The following SNX29 variants were observed in gnomAD, a reference collection of about 807,000 sequenced individuals.
The protein encoded by SNX29 is sorting nexin 29.
Under a neutral mutation model 102.1 loss-of-function variants are expected in SNX29, and 78 were observed. The ratio of observed to expected loss-of-function variants is 0.76; its 90% CI spans 0.64 to 0.92. SNX29 has a LOEUF of 0.92. SNX29 is among the 40% of genes least tolerant of loss of function. SNX29 has a pLI of 0.00. For missense variants in SNX29, 1,280 were observed against 1,061.7 expected, an observed-to-expected ratio of 1.21 and a Z score of -2.86; for synonymous variants, 580 against 414.5, an observed-to-expected ratio of 1.40 and a Z score of -4.85.
At chr16:12,567,277 C>G (rs2079051102) in intron 20 of SNX29, among the ~76,000 whole-genome samples, 1 of 150,768 alleles carries the variant, frequency 6.6e-6, no homozygotes, top group Non-Finnish European at 1.5e-5. Context: ...TCCAGTGGAT[C>G]CAGGACTTAC....
intron 15 of SNX29, among the ~76,000 whole-genome samples, chr16:12,289,217 A>G (rs2151055154): frequency 6.6e-6 from 1 of 152,248 alleles, no homozygotes; most frequent in East Asian, 1.9e-4. Context: ...GGATGTTCCC[A>G]TCTGTTCCTG....
chr16:12,314,706 A>G lies in SNX29; in HGVS notation c.1782+36670A>G, dbSNP rs537615400. Among the ~76,000 whole-genome samples, 17 of 152,354 alleles carry G rather than the reference A, an allele frequency of 1.1e-4. 1 individual carries two copies. The South Asian group carries it at 3.3e-3, about 30-fold the overall frequency. On this transcript the variant is annotated intron_variant, in intron 15 of 20. Coordinates refer to ENST00000566228, the MANE Select transcript of SNX29 (RefSeq NM_032167.5). ...TTGATTCTACAGCTTGGTGGATTTT[A>G]TAACACTAAATCAAAAAGAATGTTG...
Position 12,573,378 on chromosome 16 carries a change from T to C in SNX29, c.*4749T>C. ...TAAATCCCAGCAACCAAGTTGCGTA[T>C]CCTTCCTTATAGCTAGTTTCTATAG... On this transcript the variant is annotated 3_prime_UTR_variant, in exon 21 of 21. Transcript: ENST00000566228. 1 of 224,618 alleles carries C rather than the reference T, an allele frequency of 4.5e-6. No individual in the cohort carries two copies. The highest frequency in any genetic ancestry group is 6.5e-5 in the East Asian group (1 of 15,464). The allele number at this position is 224,618 out of a possible 1,614,324, so 13.9% of individuals were successfully genotyped here. A position where few individuals can be genotyped will look rare whatever the true frequency, so the allele number is the denominator to read the frequency against.
At chr16:12,283,839 C>T (rs760645997) in intron 15 of SNX29, among the ~76,000 whole-genome samples, 16 of 152,198 alleles carry the variant, frequency 1.1e-4, no homozygotes, top group South Asian at 4.1e-4. Context: ...GTGTCTTTGA[C>T]GGCAGTTCTG....
chr16:12,410,938 C>T (rs2084373182), intron 18 of SNX29, among the ~76,000 whole-genome samples: 1 of 152,178 alleles, frequency 6.6e-6, no homozygotes, highest in South Asian at 2.1e-4. Flanking sequence ...AGATAGCTTA[C>T]CCCTTGGGCC....
In SNX29 at chr16:12,547,886, T is replaced by C. The variant is rs941610947; in HGVS notation, c.2319-20620T>C. 2.0e-5 allele frequency among the ~76,000 whole-genome samples: 3 copies of C among 152,126 alleles called. No individual in the cohort carries two copies. In the East Asian group the frequency reaches 5.8e-4, roughly 29 times the overall value. On this transcript the variant is annotated intron_variant, in intron 20 of 20. Transcript: ENST00000566228. ...ATGAGCCACTTCCTTCAGCAGCAGT[T>C]CTAGGGCTGTATAGGAGCTGCTCTT...
chr16:12,552,357 C>T (rs1310060087), intron 20 of SNX29, among the ~76,000 whole-genome samples: 1 of 152,104 alleles, frequency 6.6e-6, no homozygotes, highest in African/African-American at 2.4e-5. Flanking sequence ...GTTTAATAAG[C>T]CAATACACGT....
chr16:12,323,466 C>G (rs147110645), intron 15 of SNX29, among the ~76,000 whole-genome samples: 2 of 149,562 alleles, frequency 1.3e-5, no homozygotes, highest in African/African-American at 2.5e-5. Flanking sequence ...ATGATGAATA[C>G]AAAACAGTAG....
intron 15 of SNX29, among the ~76,000 whole-genome samples, chr16:12,324,094 G>A (rs1460226544): frequency 6.6e-6 from 1 of 152,038 alleles, no homozygotes; most frequent in East Asian, 1.9e-4. Context: ...GTGTGCTGGG[G>A]TTTGTTTCCT....
chr16:12,030,863 A>G (rs1184095228), intron 4 of SNX29, among the ~76,000 whole-genome samples: 3 of 152,198 alleles, frequency 2.0e-5, no homozygotes, highest in East Asian at 3.9e-4. Flanking sequence ...GGCAGGTCTG[A>G]CATCACAACT....
At chr16:12,278,831 G>A (rs1251739388) in intron 15 of SNX29, among the ~76,000 whole-genome samples, 1 of 152,196 alleles carries the variant, frequency 6.6e-6, no homozygotes, top group Non-Finnish European at 1.5e-5. Flanking sequence ...ATTTAGGATT[G>A]CAAGGATGGC....
At chr16:12,381,900 C>T (rs749048535) in intron 16 of SNX29, among the ~76,000 whole-genome samples, 10 of 149,816 alleles carry the variant, frequency 6.7e-5, no homozygotes, top group Non-Finnish European at 1.2e-4. Context: ...CCCCCACTCC[C>T]GTCATCCATC....
intron 20 of SNX29, among the ~76,000 whole-genome samples, chr16:12,556,014 A>C (rs988739192): frequency 6.6e-6 from 1 of 151,870 alleles, no homozygotes; most frequent in Non-Finnish European, 1.5e-5. Flanking sequence ...TGTCCTGTGG[A>C]CTCATGCCAT....
intron 16 of SNX29, 148 bp from the exon 17 acceptor site, chr16:12,398,298 C>T: frequency 3.7e-6 from 3 of 817,380 alleles, no homozygotes; most frequent in Non-Finnish European, 6.1e-6. Context: ...CACACAATCT[C>T]TTACCGTTTT....
At chr16:12,150,420 T>C (rs1035393816) in intron 13 of SNX29, among the ~76,000 whole-genome samples, 1 of 152,222 alleles carries the variant, frequency 6.6e-6, no homozygotes, top group Non-Finnish European at 1.5e-5. Context: ...AAACAAGATG[T>C]GAATGAATTA....
At position 12,574,133 on chromosome 16, in the gene SNX29, T is replaced by A. The variant is rs1412868476; in HGVS notation, c.*5504T>A. 2 of 183,408 alleles carry A rather than the reference T, an allele frequency of 1.1e-5. No homozygotes were observed. The highest frequency in any genetic ancestry group is 6.2e-5 in the Admixed American group (1 of 16,006). The allele number at this position is 183,408 out of a possible 1,614,324, so 11.4% of individuals were successfully genotyped here. A position where few individuals can be genotyped will look rare whatever the true frequency, so the allele number is the denominator to read the frequency against. On this transcript the variant is annotated 3_prime_UTR_variant, in exon 21 of 21. Transcript: ENST00000566228. ...CCCTCTTATGTTAAGGTTTACATAATAGGATTTTTAAACAAATGTGTTTAA... is the reference window on the plus strand; with the variant it reads ...CCCTCTTATGTTAAGGTTTACATAAAAGGATTTTTAAACAAATGTGTTTAA...
intron 1 of SNX29, among the ~76,000 whole-genome samples, chr16:11,991,248 TTG>T (rs1317397944): frequency 6.6e-6 from 1 of 152,236 alleles, no homozygotes; most frequent in Non-Finnish European, 1.5e-5. Context: ...AAGTCATTTA[TTG>T]TGTATTCATC....
chr16:12,218,134 G>C (rs2077373955), intron 14 of SNX29, among the ~76,000 whole-genome samples: 1 of 152,206 alleles, frequency 6.6e-6, no homozygotes, highest in Non-Finnish European at 1.5e-5. Context: ...ATTGATTTCA[G>C]TGGAAGTAGA....
At chr16:12,459,951 C>T (rs891501929) in intron 18 of SNX29, among the ~76,000 whole-genome samples, 3 of 152,240 alleles carry the variant, frequency 2.0e-5, no homozygotes, top group South Asian at 2.1e-4. Flanking sequence ...CACAGAGTTC[C>T]TCTCCAGAAG....
Sources: allele counts gnomAD v4.1 joint callset (sites outside exome capture counted in the v4.1 genomes callset), GRCh38; gene constraint gnomAD v4.1.1; transcripts MANE v1.5; gene names NCBI Gene and HGNC (gene_info 2026-07-23, HGNC 2026-07-21).